ATG16L1: variants seen among roughly 807,000 people sequenced by gnomAD.
ATG16L1 encodes autophagy related 16 like 1.
ATG16L1 carries 37 observed loss-of-function variants against 88.5 expected under a neutral mutation model. That is an observed-to-expected ratio of 0.42 (90% confidence interval 0.32 to 0.55). The LOEUF (loss-of-function observed/expected upper bound fraction) is 0.55. ATG16L1 is among the 20% of genes least tolerant of loss of function. The pLI is 0.13. For missense variants in ATG16L1, 554 were observed against 752.8 expected (o/e 0.74, Z 3.09); for synonymous variants, 301 against 281.0 (o/e 1.07, Z -0.71).
chr2:233,292,585 T>A, intron 16 of ATG16L1, 151 bp downstream of exon 16: 1 of 916,138 alleles, frequency 1.1e-6, no homozygotes, highest in South Asian at 1.6e-5. Flanking sequence ...CAGGCCACCA[T>A]TATTGTCTCT....
chr2:233,286,560 G>A (rs1188657076), intron 12 of ATG16L1, among the ~76,000 whole-genome samples: 2 of 151,176 alleles, frequency 1.3e-5, no homozygotes, highest in Non-Finnish European at 2.9e-5. Context: ...CCGAGACAGT[G>A]AGTCAGCCTC....
chr2:233,252,693 T>A (rs1048761535), intron 1 of ATG16L1, among the ~76,000 whole-genome samples: 3 of 152,094 alleles, frequency 2.0e-5, no homozygotes, highest in Non-Finnish European at 4.4e-5. Flanking sequence ...CGGCCCCACC[T>A]TGGTGTTAAT....
intron 1 of ATG16L1, among the ~76,000 whole-genome samples, chr2:233,253,924 T>C (rs565475163): frequency 3.5e-4 from 53 of 152,342 alleles, no homozygotes; most frequent in African/African-American, 1.3e-3. Flanking sequence ...TAAAAGCTAA[T>C]ATCCTTTGAA....
intron 17 of ATG16L1, 87 bp from the exon 18 acceptor site, chr2:233,294,170 G>C (rs1302272791): frequency 1.3e-5 from 14 of 1,100,714 alleles, no homozygotes; most frequent in Non-Finnish European, 1.8e-5. Flanking sequence ...AGGACTCCCT[G>C]AATGCACAAG....
intron 10 of ATG16L1, among the ~76,000 whole-genome samples, chr2:233,280,497 G>C (rs1175632450): frequency 1.3e-5 from 2 of 152,022 alleles, no homozygotes; most frequent in African/African-American, 4.8e-5. Flanking sequence ...CTGGCACTTA[G>C]TTCGCTTGCC....
At chr2:233,292,097 T>C in intron 14 of ATG16L1, 31 bp from the exon 15 acceptor site, 1 of 1,609,390 alleles carries the variant, frequency 6.2e-7, no homozygotes, top group Non-Finnish European at 8.5e-7. Context: ...CTGGCCTACG[T>C]TACATTTCTC....
rs755588218 is a variant in ATG16L1, at chr2:233,256,162, A to G, written c.176A>G (p.Glu59Gly). 8.7e-6 allele frequency: 14 copies of G among 1,614,030 alleles called. No homozygotes were observed. In the Admixed American group the frequency reaches 2.3e-4, roughly 27 times the overall value. The change falls in exon 2 of 18, where the codon GAA becomes GGA. Residue 59 changes from glutamate to glycine, a missense_variant. Physicochemically the swap from Glu to Gly is moderately conservative, Grantham distance 98. Transcript: ENST00000392017. ...GTGTTGGCCCAGAAACTACAGGCTG[A>G]AAAGCATGACGTACCAAACAGGCAC... The part of the protein sequence containing the change: ...HSVLAQKLQA[E>G]KHDVPNRHEI...
rs999818323 is a variant in ATG16L1 at position 233,294,834 on chromosome 2, T to C, written c.*484T>C. On this transcript the variant is annotated 3_prime_UTR_variant, in exon 18 of 18. Transcript: ENST00000392017. ...ATTGGATTAACGGAAACTCCCGAAC[T>C]ACAGACCCCTCCCTGGTGGGTTGCA... The C allele has an allele frequency of 6.5e-6, 1 of 153,044 alleles. No individual in the cohort carries two copies. Among genetic ancestry groups the C allele is most frequent in the Non-Finnish European group, 1.5e-5 (1 of 68,238 alleles). The allele number at this position is 153,044 out of a possible 1,614,324, so 9.5% of individuals were successfully genotyped here.
chr2:233,286,621 C>CATTTTTTTTTTTTTTTTT (rs34087184), intron 12 of ATG16L1, among the ~76,000 whole-genome samples: 5 of 93,296 alleles, frequency 5.4e-5, no homozygotes, highest in African/African-American at 1.9e-4. Context: ...GAAGCCCAAA[C>CATTTTTTTTTTTTTTTTT]TTTTTTTTTT....
Position 233,251,954 on chromosome 2 carries a change from C to T in ATG16L1, c.115+12C>T. On this transcript the variant is annotated intron_variant, in intron 1 of 17. Coordinates refer to ENST00000392017, the MANE Select transcript of ATG16L1 (RefSeq NM_030803.7). Reference sequence around the variant, plus strand: ...GATCATCCTGCAGTGTGAGCGGCGCCGGTGCGGGCTGGGAGTGGGGCGGGC... The same window carrying T: ...GATCATCCTGCAGTGTGAGCGGCGCTGGTGCGGGCTGGGAGTGGGGCGGGC... 6.5e-7 allele frequency: 1 copy of T among 1,532,338 alleles called. No homozygotes were observed. The allele number at this position is 1,532,338 out of a possible 1,614,324, so 94.9% of individuals were successfully genotyped here.
At chr2:233,279,822 A>G (rs758813089) in intron 10 of ATG16L1, among the ~76,000 whole-genome samples, 5 of 152,068 alleles carry the variant, frequency 3.3e-5, no homozygotes, top group Non-Finnish European at 7.4e-5. Context: ...TTTGAGATCA[A>G]TCTCTCATAT....
At position 233,295,122 on chromosome 2, in the gene ATG16L1, TTGGGGG is replaced by T; in HGVS notation, c.*775_*780del. ...CAGAAGGTGGGTGCACACTGCATGC[TTGGGGG>T]TGCCAAGGGATTCGAGACCTCCAAC... On this transcript the variant is annotated 3_prime_UTR_variant, in exon 18 of 18. Coordinates refer to ENST00000392017, the MANE Select transcript of ATG16L1 (RefSeq NM_030803.7). 1 of 152,766 alleles carries T rather than the reference TTGGGGG, an allele frequency of 6.5e-6. No individual in the cohort carries two copies. Among genetic ancestry groups the T allele is most frequent in the Admixed American group, 6.5e-5 (1 of 15,294 alleles). 9.5% of individuals were successfully genotyped at this position (152,766 alleles called of 1,614,324 possible). A position where few individuals can be genotyped will look rare whatever the true frequency, so the allele number is the denominator to read the frequency against.
At chr2:233,290,032 G>A (rs1430691251) in intron 13 of ATG16L1, 58 bp downstream of exon 13, 3 of 1,598,598 alleles carry the variant, frequency 1.9e-6, no homozygotes, top group Admixed American at 1.7e-5. Context: ...GTGGAGGTGT[G>A]TGTTTGCACG....
At chr2:233,281,209 T>C (rs750441953) in intron 11 of ATG16L1, 34 bp downstream of exon 11, 1 of 1,452,306 alleles carries the variant, frequency 6.9e-7, no homozygotes, top group South Asian at 1.3e-5. Flanking sequence ...TTAAAGGTTT[T>C]TAGAAATAAT....
chr2:233,294,042 C>G (rs1213774743), intron 17 of ATG16L1, among the ~76,000 whole-genome samples: 1 of 152,078 alleles, frequency 6.6e-6, no homozygotes, highest in Non-Finnish European at 1.5e-5. Flanking sequence ...CTCCCTTCAT[C>G]CCAGCATGAC....
intron 12 of ATG16L1, among the ~76,000 whole-genome samples, chr2:233,285,714 T>C (rs912375592): frequency 6.6e-6 from 1 of 152,214 alleles, no homozygotes; most frequent in Non-Finnish European, 1.5e-5. Flanking sequence ...AGGCTCCTTA[T>C]TCTAGGGAGT....
chr2:233,277,663 A>G lies in ATG16L1; in HGVS notation c.1050A>G (p.Glu350=). ...TGGACCGCAGGGTTAAGCTTTGGGAAGTATTTGGAGGTGAGAGCCTGCTGC... is the reference window on the plus strand; with the variant it reads ...TGGACCGCAGGGTTAAGCTTTGGGAGGTATTTGGAGGTGAGAGCCTGCTGC... ...GGMDRRVKLW[E]VFGEKCEFKG... is the part of the protein sequence containing the mutation. The change falls in exon 10 of 18, where the codon GAA becomes GAG. Residue 350 remains glutamate (E), a synonymous_variant. Coordinates refer to ENST00000392017, the MANE Select transcript of ATG16L1 (RefSeq NM_030803.7). 1 of 1,613,828 alleles carries G rather than the reference A, an allele frequency of 6.2e-7. No individual in the cohort carries two copies. The highest frequency in any genetic ancestry group is 1.7e-4 in the Middle Eastern group (1 of 6,044).
At chr2:233,286,163 G>A (rs878990522) in intron 12 of ATG16L1, among the ~76,000 whole-genome samples, 4 of 152,048 alleles carry the variant, frequency 2.6e-5, no homozygotes, top group Non-Finnish European at 4.4e-5. Context: ...TTCTGGAATC[G>A]GCTGTCTTTG....
chr2:233,274,672 T>C lies in ATG16L1; in HGVS notation c.852-4T>C, dbSNP rs367985149. 2 of 1,598,190 alleles carry C rather than the reference T, an allele frequency of 1.3e-6. No individual in the cohort carries two copies. The highest frequency in any genetic ancestry group is 2.7e-5 in the African/African-American group (2 of 74,670). Reference sequence around the variant, plus strand: ...CTAATATTTGTCTTTATGTTATTTCTTAGGAGACGCTCTGTCTCTTCCTTC... The same window carrying C: ...CTAATATTTGTCTTTATGTTATTTCCTAGGAGACGCTCTGTCTCTTCCTTC... On this transcript the variant is annotated splice_polypyrimidine_tract_variant and splice_region_variant and intron_variant, in intron 8 of 17. Transcript: ENST00000392017.
Sources: allele counts gnomAD v4.1 joint callset (sites outside exome capture counted in the v4.1 genomes callset), GRCh38; gene constraint gnomAD v4.1.1; transcripts MANE v1.5; gene names NCBI Gene and HGNC (gene_info 2026-07-23, HGNC 2026-07-21).